ZNF514: variants seen among roughly 807,000 people sequenced by gnomAD.
ZNF514 encodes the protein zinc finger protein 514.
A neutral mutation model predicts 9.7 loss-of-function variants in ZNF514; 12 were observed. The ratio of observed to expected loss-of-function variants is 1.24; its 90% CI spans 0.79 to 2.01. The LOEUF (loss-of-function observed/expected upper bound fraction) is 2.01. Ranked by LOEUF, ZNF514 falls within the 30% of genes most tolerant of loss-of-function variation. The probability of loss-of-function intolerance (pLI) is 0.00; values close to 1 mark genes in which losing one functional copy is unlikely to be tolerated. For missense variants in ZNF514, 467 were observed against 465.5 expected (o/e 1.00, Z -0.03); for synonymous variants, 158 against 163.7 (o/e 0.97, Z 0.27).
chr2:95,157,180 G>T (rs1310218517), intron 2 of ZNF514, among the ~76,000 whole-genome samples, 171 bp downstream of exon 2: 1 of 152,160 alleles, frequency 6.6e-6, no homozygotes. Context: ...AGCAAGAAGA[G>T]AACACCCCGG....
At chr2:95,124,740 C>A in the ZNF514 span, among the ~76,000 whole-genome samples, 1 of 151,780 alleles carries the variant, frequency 6.6e-6, no homozygotes, top group East Asian at 1.9e-4. Context: ...GGCCTTTAAG[C>A]AATCCACCCA....
chr2:95,125,299 G>C, the ZNF514 span, among the ~76,000 whole-genome samples: 7 of 147,726 alleles, frequency 4.7e-5, 1 homozygote, highest in Admixed American at 1.4e-4. Flanking sequence ...GGAGTATAGT[G>C]GCATGATCTC....
rs770438190 is a variant in ZNF514, at chr2:95,150,120, T to C, written c.365A>G (p.Gln122Arg). 1 of 1,612,134 alleles carries C rather than the reference T, an allele frequency of 6.2e-7. No homozygotes were observed. The highest frequency in any genetic ancestry group is 1.1e-5 in the South Asian group (1 of 91,084). The change falls in exon 5 of 5, where the codon CAG (glutamine) becomes CGG (arginine). Residue 122 changes from glutamine (Q) to arginine (R), a missense_variant. Gln to Arg is a conservative substitution (Grantham distance 43). Coordinates refer to ENST00000295208, the MANE Select transcript of ZNF514 (RefSeq NM_032788.3). ...CTGTTTTATCTGCTGCATCTCTAAC[T>C]GGCCATCACAACCGCAGGCTGCTTT... The part of the protein sequence containing the change: ...KLKAACGCDG[Q>R]LEMQQIKQER...
chr2:95,125,390 A>G, the ZNF514 span, among the ~76,000 whole-genome samples: 3 of 151,336 alleles, frequency 2.0e-5, no homozygotes, highest in African/African-American at 4.9e-5. Flanking sequence ...ACAGGCGCCC[A>G]CCACCATGCC....
Position 95,149,562 on chromosome 2 carries a change from C to T in ZNF514, c.923G>A (p.Arg308Lys), listed in dbSNP as rs754599113. Residue 308 changes from arginine (R) to lysine (K), a missense_variant, in exon 5 of 5, where the codon AGG (arginine) becomes AAG (lysine). Physicochemically the swap from Arg to Lys is conservative, Grantham distance 26 (BLOSUM62 2). Transcript: ENST00000295208. ...GHTSSLIKHQRTHTGEKPYEC... is the reference protein window; with the variant it reads ...GHTSSLIKHQKTHTGEKPYEC... ...ATAGGGCTTTTCTCCAGTATGAGTC[C>T]TCTGATGCTTAATAAGGGATGAAGT... The T allele has an allele frequency of 1.2e-6, 2 of 1,614,054 alleles. No homozygotes were observed. The highest frequency in any genetic ancestry group is 2.2e-5 in the East Asian group (1 of 44,882).
At chr2:95,124,490 A>C in the ZNF514 span, among the ~76,000 whole-genome samples, 36 of 151,358 alleles carry the variant, frequency 2.4e-4, no homozygotes, top group African/African-American at 8.5e-4. Context: ...TTTTATTTTT[A>C]TTTTCCTTTT....
At chr2:95,137,410 T>C in the ZNF514 span, among the ~76,000 whole-genome samples, 1 of 152,262 alleles carries the variant, frequency 6.6e-6, no homozygotes, top group Non-Finnish European at 1.5e-5. Flanking sequence ...TTCTCCATTA[T>C]ATTATCCATT....
the ZNF514 span, among the ~76,000 whole-genome samples, chr2:95,138,611 G>A: frequency 3.3e-5 from 5 of 152,270 alleles, no homozygotes; most frequent in South Asian, 2.1e-4. Flanking sequence ...AATAACCTAC[G>A]CTCAGATGTG....
rs181395103 is a variant in ZNF514, at chr2:95,147,804, A to C, written c.*1478T>G. ...CAGGCGCCCGCCACCATGCCTGGCT[A>C]ATTTTTTTGTATTTTTAGGAGAGAC... On this transcript the variant is annotated 3_prime_UTR_variant, in exon 5 of 5. Transcript: ENST00000295208. 6 of 151,960 alleles carry C rather than the reference A, an allele frequency of 3.9e-5. No individual in the cohort carries two copies. The highest frequency in any genetic ancestry group is 8.8e-5 in the Non-Finnish European group (6 of 68,000). The allele number at this position is 151,960 out of a possible 1,614,324, so 9.4% of individuals were successfully genotyped here.
chr2:95,158,165 CAAGACTTGCT>C (rs1423295329), intron 1 of ZNF514, among the ~76,000 whole-genome samples: 1 of 152,168 alleles, frequency 6.6e-6, no homozygotes, highest in Non-Finnish European at 1.5e-5. Flanking sequence ...AACTCTGGCT[CAAGACTTGCT>C]AAGACACTGT....
the ZNF514 span, among the ~76,000 whole-genome samples, chr2:95,126,274 G>C: frequency 6.6e-6 from 1 of 150,980 alleles, no homozygotes; most frequent in Non-Finnish European, 1.5e-5. Flanking sequence ...AGGAGGCTGA[G>C]GCAGGAGAAT....
At chr2:95,129,674 C>T in the ZNF514 span, among the ~76,000 whole-genome samples, 1 of 152,162 alleles carries the variant, frequency 6.6e-6, no homozygotes, top group African/African-American at 2.4e-5. Context: ...AGGGATTCCA[C>T]ACCAGGAGAA....
chr2:95,156,747 C>T (rs1673697024), intron 2 of ZNF514, among the ~76,000 whole-genome samples: 1 of 152,108 alleles, frequency 6.6e-6, no homozygotes, highest in South Asian at 2.1e-4. Flanking sequence ...CAAACCAATG[C>T]ATAGAGAGGT....
At position 95,145,935 on chromosome 2, in the gene ZNF514, G is replaced by A. The variant is rs1673347752; in HGVS notation, c.*3347C>T. ...CTTTAGGCTGCCCCAACCTGCTGCT[G>A]CTCCTGACAAGAGCCACCTTGGGCA... On this transcript the variant is annotated 3_prime_UTR_variant, in exon 5 of 5. Coordinates refer to ENST00000295208, the MANE Select transcript of ZNF514 (RefSeq NM_032788.3). Among the ~76,000 whole-genome samples, 1 of 152,208 alleles carries A rather than the reference G, an allele frequency of 6.6e-6. No individual in the cohort carries two copies. Among genetic ancestry groups the A allele is most frequent in the Non-Finnish European group, 1.5e-5 (1 of 68,042 alleles).
chr2:95,152,550 G>A, intron 4 of ZNF514, 124 bp downstream of exon 4: 1 of 731,848 alleles, frequency 1.4e-6, no homozygotes, highest in South Asian at 1.6e-5. Flanking sequence ...CAACATACCA[G>A]AGTTGAGGGC....
the ZNF514 span, among the ~76,000 whole-genome samples, chr2:95,128,962 A>G: frequency 6.6e-6 from 1 of 152,300 alleles, no homozygotes; most frequent in Admixed American, 6.5e-5. Flanking sequence ...TATCATTCTA[A>G]TCTCCCCAAG....
chr2:95,142,225 T>C (rs772077415), downstream of ZNF514, among the ~76,000 whole-genome samples: 1 of 152,184 alleles, frequency 6.6e-6, no homozygotes, highest in Non-Finnish European at 1.5e-5. Context: ...ATAAATACAT[T>C]TGACAAGCTC....
chr2:95,145,859 C>T lies in ZNF514; in HGVS notation c.*3423G>A, dbSNP rs1284413115. On this transcript the variant is annotated 3_prime_UTR_variant, in exon 5 of 5. Transcript: ENST00000295208. ...CCCAGTGTCCTGCCCTCCAAAAATC[C>T]TTTGCACTTCCTACAAGATAAATCC... 1.3e-5 allele frequency among the ~76,000 whole-genome samples: 2 copies of T among 152,312 alleles called. No homozygotes were observed. Among genetic ancestry groups the T allele is most frequent in the Non-Finnish European group, 2.9e-5 (2 of 68,018 alleles).
At chr2:95,124,358 A>G in the ZNF514 span, among the ~76,000 whole-genome samples, 1 of 152,234 alleles carries the variant, frequency 6.6e-6, no homozygotes, top group Non-Finnish European at 1.5e-5. Flanking sequence ...CTTGACGTCT[A>G]TCCAAGTAGT....
Sources: gnomAD v4.1 joint callset for allele counts (sites outside exome capture counted in the v4.1 genomes callset) on GRCh38, gnomAD v4.1.1 for gene constraint, MANE v1.5 for transcripts, NCBI Gene and HGNC (gene_info 2026-07-23, HGNC 2026-07-21) for gene names.